The following PFKL variants were observed in gnomAD, a reference collection of about 807,000 sequenced individuals.
PFKL encodes the protein phosphofructokinase, liver type.
In PFKL, 74 loss-of-function variants were observed where a neutral mutation model predicts 92.1. The observed-to-expected ratio is 0.80, with a 90% CI of 0.67 to 0.97. The LOEUF (loss-of-function observed/expected upper bound fraction) is 0.97, where lower values mean the gene tolerates loss of function less well. PFKL is among the 50% of genes least tolerant of loss of function. The probability of loss-of-function intolerance (pLI) is 0.00; values close to 1 mark genes in which losing one functional copy is unlikely to be tolerated. For missense variants in PFKL, 1,028 were observed against 1,116.6 expected (o/e 0.92, Z 1.13); for synonymous variants, 494 against 456.4 (o/e 1.08, Z -1.05).
At chr21:44,324,085 T>C (rs1200956615) in intron 16 of PFKL, among the ~76,000 whole-genome samples, 167 bp downstream of exon 16, 1 of 152,058 alleles carries the variant, frequency 6.6e-6, no homozygotes, top group African/African-American at 2.4e-5. Flanking sequence ...CTCCCTGCCA[T>C]AGCCACTTCC....
chr21:44,318,624 C>T (rs767483784), intron 10 of PFKL, 29 bp downstream of exon 10: 29 of 1,440,574 alleles, frequency 2.0e-5, no homozygotes, highest in Admixed American at 1.1e-4. Flanking sequence ...CCATCAGAAC[C>T]GCCTGGCCCC....
At chr21:44,324,718 C>T (rs1250755826) in intron 17 of PFKL, 63 bp downstream of exon 17, 3 of 1,561,034 alleles carry the variant, frequency 1.9e-6, no homozygotes, top group African/African-American at 1.3e-5. Context: ...GCCCCAGACA[C>T]TCAGGCCGGC....
chr21:44,313,748 G>A (rs1345094190), intron 6 of PFKL, 66 bp downstream of exon 6: 2 of 1,510,472 alleles, frequency 1.3e-6, no homozygotes, highest in Non-Finnish European at 1.8e-6. Flanking sequence ...TGACAGGTGT[G>A]GCATATTTAT....
chr21:44,322,903 C>A, intron 14 of PFKL, 59 bp from the exon 15 acceptor site: 2 of 1,259,864 alleles, frequency 1.6e-6, no homozygotes, highest in African/African-American at 1.5e-5. Flanking sequence ...TGATCAGATG[C>A]AATCTGGACA....
intron 1 of PFKL, chr21:44,304,147 G>C: frequency 8.1e-7 from 1 of 1,231,528 alleles, no homozygotes; most frequent in East Asian, 6.1e-5. Flanking sequence ...GCACAAAGCT[G>C]GGTTTTGGCA....
At chr21:44,304,493 A>T in intron 1 of PFKL, 1 of 1,155,866 alleles carries the variant, frequency 8.7e-7, no homozygotes, top group Non-Finnish European at 1.1e-6. Flanking sequence ...GTCTGCAGGG[A>T]GGGCGAGGGA....
chr21:44,312,714 A>G lies in PFKL; in HGVS notation c.428-264A>G, dbSNP rs558406776. Among the ~76,000 whole-genome samples, 35 of 152,332 alleles carry G rather than the reference A, an allele frequency of 2.3e-4. No homozygotes were observed. The South Asian group carries it at 6.2e-3, about 27-fold the overall frequency. ...GGCCTCTCGGAGCCATGTCTGTTCC[A>G]TGTCCCTCATGTGGGGGACCCTGAT... On this transcript the variant is annotated intron_variant, in intron 4 of 21. Transcript: ENST00000349048.
In PFKL at chr21:44,325,975, C is replaced by G; in HGVS notation, c.2004C>G (p.Thr668=). 1.9e-6 allele frequency: 3 copies of G among 1,613,544 alleles called. No homozygotes were observed. The highest frequency in any genetic ancestry group is 2.5e-6 in the Non-Finnish European group (3 of 1,179,816). ...LGHLQQGGAP[T]PFDRNYGTKL... ...CCTGTTTCCAGGGTGGCGCTCCAACCCCCTTTGACCGGAACTATGGGACCA... is the reference window on the plus strand; with the variant it reads ...CCTGTTTCCAGGGTGGCGCTCCAACGCCCTTTGACCGGAACTATGGGACCA... Residue 668 remains threonine (T), a synonymous_variant, in exon 20 of 22, where the codon ACC becomes ACG. Coordinates refer to ENST00000349048, the MANE Select transcript of PFKL (RefSeq NM_002626.6).
chr21:44,324,916 C>T lies in PFKL; in HGVS notation c.1876C>T (p.Arg626Trp), dbSNP rs144853438. The T allele has an allele frequency of 1.9e-5, 31 of 1,604,184 alleles. No homozygotes were observed. Among genetic ancestry groups the T allele is most frequent in the Non-Finnish European group, 2.6e-5 (31 of 1,175,750 alleles). The stretch of plus-strand genomic sequence containing the variant: ...AGACATTCAGAGGGGCCTGGTGCTG[C>T]GGTGAGGCTGCCGTGGGTCCCTGGC... The part of the protein sequence containing the change: ...KTDIQRGLVL[R>W]NEKCHDYYTT... Residue 626 changes from arginine to tryptophan, a missense_variant and splice_region_variant, in exon 18 of 22, where the codon CGG becomes TGG. Transcript: ENST00000349048.
chr21:44,302,602 CTA>C (rs1428992033), intron 1 of PFKL, among the ~76,000 whole-genome samples: 2 of 152,320 alleles, frequency 1.3e-5, no homozygotes, highest in Non-Finnish European at 2.9e-5. Context: ...TCTTTGCCCT[CTA>C]TGTCAGCCGG....
At chr21:44,309,492 G>A (rs933280289) in intron 2 of PFKL, among the ~76,000 whole-genome samples, 1 of 152,168 alleles carries the variant, frequency 6.6e-6, no homozygotes, top group Non-Finnish European at 1.5e-5. Context: ...AAGATTCCAA[G>A]GGTAGGAGGA....
intron 15 of PFKL, 100 bp from the exon 16 acceptor site, chr21:44,323,666 G>C: frequency 7.6e-7 from 1 of 1,310,294 alleles, no homozygotes; most frequent in Non-Finnish European, 1.0e-6. Flanking sequence ...CACATGACAG[G>C]TCAGCAGGGA....
intron 1 of PFKL, among the ~76,000 whole-genome samples, chr21:44,301,148 T>A (rs1004088789): frequency 5.3e-5 from 8 of 152,150 alleles, no homozygotes; most frequent in African/African-American, 1.9e-4. Flanking sequence ...CTTTTCCCTA[T>A]CTGGAAGCCA....
chr21:44,326,601 CAG>C, intron 21 of PFKL, 112 bp from the exon 22 acceptor site: 1 of 1,268,608 alleles, frequency 7.9e-7, no homozygotes, highest in Non-Finnish European at 1.1e-6. Flanking sequence ...GATGTTCAGA[CAG>C]AGGGGCATGC....
At chr21:44,300,218 G>A (rs1472884428) in intron 1 of PFKL, 28 bp downstream of exon 1, 3 of 1,042,654 alleles carry the variant, frequency 2.9e-6, no homozygotes, top group Non-Finnish European at 3.5e-6. Context: ...CCGCGTCGCG[G>A]CGCAGGGGGT....
Position 44,321,730 on chromosome 21 carries a change from C to A in PFKL, c.1193C>A (p.Ser398Tyr). 1 of 1,564,296 alleles carries A rather than the reference C, an allele frequency of 6.4e-7. No individual in the cohort carries two copies. Among genetic ancestry groups the A allele is most frequent in the Non-Finnish European group, 8.7e-7 (1 of 1,155,190 alleles). The change falls in exon 13 of 22, where the codon TCT (serine) becomes TAT (tyrosine). Residue 398 changes from serine to tyrosine, a missense_variant and splice_region_variant. Transcript: ENST00000349048. ...GCTCATCTCCCCTTCTCTCTGAAGTCTAACTTCTCCCTGGCCATCCTGAAT... is the reference window on the plus strand; with the variant it reads ...GCTCATCTCCCCTTCTCTCTGAAGTATAACTTCTCCCTGGCCATCCTGAAT... ...LAHQKPPKEK[S>Y]NFSLAILNVG...
chr21:44,310,977 T>A, intron 2 of PFKL, 29 bp from the exon 3 acceptor site: 3 of 1,590,838 alleles, frequency 1.9e-6, no homozygotes, highest in Non-Finnish European at 2.6e-6. Context: ...GGGTCCCCTA[T>A]CTCATGCCTG....
chr21:44,305,491 A>G (rs2040908605), intron 1 of PFKL: 1 of 1,237,744 alleles, frequency 8.1e-7, no homozygotes, highest in Non-Finnish European at 1.1e-6. Context: ...AGGCTTGGGG[A>G]CAGAGGACCC....
rs751177364 is a variant in PFKL, at chr21:44,316,334, A to G, written c.838A>G (p.Lys280Glu). The G allele has an allele frequency of 1.2e-6, 2 of 1,613,132 alleles. No individual in the cohort carries two copies. Among genetic ancestry groups the G allele is most frequent in the Non-Finnish European group, 8.5e-7 (1 of 1,179,836 alleles). Residue 280 changes from lysine to glutamate, a missense_variant, in exon 8 of 22, where the codon AAG (lysine) becomes GAG (glutamate). Transcript: ENST00000349048. ...NGKPISSSYV[K>E]DLVVQRLGFD... ...GAAGCCCATCTCGTCCAGCTACGTG[A>G]AGGACGTGCGTGTGGGCCTGGGGGT...
Sources: allele counts gnomAD v4.1 joint callset (sites outside exome capture counted in the v4.1 genomes callset), GRCh38; gene constraint gnomAD v4.1.1; transcripts MANE v1.5; gene names NCBI Gene and HGNC (gene_info 2026-07-23, HGNC 2026-07-21).